ZNF138: variants seen among roughly 807,000 people sequenced by gnomAD.
ZNF138 encodes the protein zinc finger protein 138, also known as zinc finger protein 138 (clone pHZ-32).
A neutral mutation model predicts 33.0 loss-of-function variants in ZNF138; 33 were observed. The ratio of observed to expected loss-of-function variants is 1.00; its 90% confidence interval spans 0.76 to 1.34. The LOEUF (loss-of-function observed/expected upper bound fraction) is 1.34, where lower values mean the gene tolerates loss of function less well. ZNF138 is among the 40% of genes most tolerant of loss of function. The pLI is 0.00. For missense variants in ZNF138, 360 were observed against 370.8 expected (o/e 0.97, Z 0.24); for synonymous variants, 139 against 120.4 (o/e 1.15, Z -1.01).
At chr7:64,843,557 A>T in the ZNF138 span, among the ~76,000 whole-genome samples, 1 of 152,084 alleles carries the variant, frequency 6.6e-6, no homozygotes, top group Admixed American at 6.5e-5. Flanking sequence ...GAGCATTTTT[A>T]TGTGTCTCTT....
the ZNF138 span, among the ~76,000 whole-genome samples, chr7:64,847,437 T>A: frequency 6.6e-6 from 1 of 151,504 alleles, no homozygotes; most frequent in Non-Finnish European, 1.5e-5. Flanking sequence ...CTTTGTTGAC[T>A]TGCTGTCAGT....
At chr7:64,826,708 G>A (rs1562920541) in intron 3 of ZNF138, among the ~76,000 whole-genome samples, 1 of 151,980 alleles carries the variant, frequency 6.6e-6, no homozygotes, top group Non-Finnish European at 1.5e-5. Flanking sequence ...GGAGTGCAAT[G>A]GTGTTATCTC....
At chr7:64,816,283 C>G (rs1788629710) in intron 3 of ZNF138, among the ~76,000 whole-genome samples, 1 of 151,994 alleles carries the variant, frequency 6.6e-6, no homozygotes. Context: ...ATTTGTAGAT[C>G]ACTTTGGATA....
At chr7:64,818,444 T>C (rs1363369801) in intron 3 of ZNF138, among the ~76,000 whole-genome samples, 1 of 152,122 alleles carries the variant, frequency 6.6e-6, no homozygotes, top group African/African-American at 2.4e-5. Flanking sequence ...ATCAAAATTA[T>C]GTATAGTTTC....
rs1223144096 is a variant in ZNF138, at chr7:64,815,048, A to T, written c.130+4A>T. The T allele has an allele frequency of 6.3e-7, 1 of 1,599,824 alleles. No individual in the cohort carries two copies. The highest frequency in any genetic ancestry group is 8.5e-7 in the Non-Finnish European group (1 of 1,174,126). ...TACAGAAACCTGGTTTTCTTGGGTG[A>T]GAATAACTTCAGTACACATTTCCTA... On this transcript the variant is annotated splice_donor_region_variant and intron_variant, in intron 2 of 3. Transcript: ENST00000307355.
At chr7:64,811,415 G>A (rs1004792015) in intron 1 of ZNF138, among the ~76,000 whole-genome samples, 1 of 152,130 alleles carries the variant, frequency 6.6e-6, no homozygotes, top group East Asian at 1.9e-4. Flanking sequence ...GTGGGATCTC[G>A]ACTTACTGCA....
intron 1 of ZNF138, among the ~76,000 whole-genome samples, chr7:64,813,149 T>A (rs915953452): frequency 1.8e-4 from 27 of 152,130 alleles, no homozygotes; most frequent in African/African-American, 6.3e-4. Flanking sequence ...GTTCCATTTG[T>A]GGAAAGATGT....
At position 64,809,784 on chromosome 7, in the gene ZNF138, C is replaced by T. The variant is rs1364989289; in HGVS notation, c.4-5134C>T. 1.3e-3 allele frequency among the ~76,000 whole-genome samples: 158 copies of T among 117,762 alleles called. 1 individual carries two copies. Among genetic ancestry groups the T allele is most frequent in the African/African-American group, 4.8e-3 (144 of 30,284 alleles). 77.3% of individuals were successfully genotyped at this position (117,762 alleles called of 152,430 possible). ...ATGCTCCTCACCTCCCAGACGGGGTCGCGGCCGGGCAGAGGTGCTCCTCAC... is the reference window on the plus strand; with the variant it reads ...ATGCTCCTCACCTCCCAGACGGGGTTGCGGCCGGGCAGAGGTGCTCCTCAC... On this transcript the variant is annotated intron_variant, in intron 1 of 3. Coordinates refer to ENST00000307355, the MANE Select transcript of ZNF138 (RefSeq NM_001271639.2).
chr7:64,846,261 A>G, the ZNF138 span, among the ~76,000 whole-genome samples: 1 of 152,146 alleles, frequency 6.6e-6, no homozygotes, highest in Admixed American at 6.5e-5. Flanking sequence ...TTTTGGTTCC[A>G]TATGAATCGT....
chr7:64,820,354 A>G (rs1241971278), intron 3 of ZNF138, among the ~76,000 whole-genome samples: 2 of 151,626 alleles, frequency 1.3e-5, no homozygotes, highest in Admixed American at 6.6e-5. Context: ...TTTATCTAAA[A>G]TGTCACAAGA....
At chr7:64,814,652 G>A (rs1224103526) in intron 1 of ZNF138, among the ~76,000 whole-genome samples, 1 of 152,024 alleles carries the variant, frequency 6.6e-6, no homozygotes, top group Non-Finnish European at 1.5e-5. Context: ...TGTAATCCCA[G>A]CTACTCGGGA....
intron 3 of ZNF138, among the ~76,000 whole-genome samples, chr7:64,823,638 ATTC>A (rs1789345826): frequency 6.6e-6 from 1 of 152,138 alleles, no homozygotes; most frequent in African/African-American, 2.4e-5. Flanking sequence ...CCCAGCTGGT[ATTC>A]TTAAATTTAA....
intron 3 of ZNF138, among the ~76,000 whole-genome samples, chr7:64,828,226 A>G (rs1334871560): frequency 6.6e-6 from 1 of 152,120 alleles, no homozygotes; most frequent in Admixed American, 6.5e-5. Context: ...AAAAACACAT[A>G]AAAAATTTAC....
intron 3 of ZNF138, 59 bp from the exon 4 acceptor site, chr7:64,831,392 A>G: frequency 2.1e-6 from 3 of 1,396,518 alleles, no homozygotes; most frequent in Non-Finnish European, 2.9e-6. Context: ...TTAGATTTGT[A>G]AAGTATATTC....
chr7:64,845,051 A>T, the ZNF138 span, among the ~76,000 whole-genome samples: 3 of 151,744 alleles, frequency 2.0e-5, no homozygotes, highest in Admixed American at 6.6e-5. Context: ...TGTATAATTA[A>T]CCCAATTTGT....
intron 3 of ZNF138, among the ~76,000 whole-genome samples, chr7:64,822,517 A>AT (rs1475424217): frequency 6.6e-6 from 1 of 151,484 alleles, no homozygotes; most frequent in African/African-American, 2.4e-5. Context: ...GTGTTATCCA[A>AT]TTTTCAACAT....
the ZNF138 span, among the ~76,000 whole-genome samples, chr7:64,846,293 G>C: frequency 1.3e-5 from 2 of 152,138 alleles, no homozygotes; most frequent in Non-Finnish European, 2.9e-5. Context: ...TTATAGTTCT[G>C]TGAAGAATAA....
chr7:64,846,838 A>G, the ZNF138 span, among the ~76,000 whole-genome samples: 1 of 152,168 alleles, frequency 6.6e-6, no homozygotes, highest in Non-Finnish European at 1.5e-5. Flanking sequence ...GTCTTGTTCC[A>G]GTTCTCAGAG....
chr7:64,805,429 C>CAAAAAAA (rs1562891036), intron 1 of ZNF138, among the ~76,000 whole-genome samples: 105 of 117,202 alleles, frequency 9.0e-4, no homozygotes, highest in African/African-American at 4.4e-3. Flanking sequence ...AAAACTGAGG[C>CAAAAAAA]TGAAACAGTG....
Sources: gnomAD v4.1 joint callset for allele counts (sites outside exome capture counted in the v4.1 genomes callset) on GRCh38, gnomAD v4.1.1 for gene constraint, MANE v1.5 for transcripts, NCBI Gene and HGNC (gene_info 2026-07-23, HGNC 2026-07-21) for gene names.